YLPM1: variants seen among roughly 807,000 people sequenced by gnomAD.
YLPM1 encodes YLP motif containing 1, also known as YLP motif-containing protein 1.
A neutral mutation model predicts 230.0 loss-of-function variants in YLPM1; 99 were observed. That is an observed-to-expected ratio of 0.43 (90% CI 0.37 to 0.51). The LOEUF is 0.51. Among genes scored for constraint, YLPM1 ranks in the 20% least tolerant of loss-of-function variants. The pLI, the probability that YLPM1 is intolerant of heterozygous loss-of-function variation, is 0.00. For synonymous variants in YLPM1, 984 were observed against 942.5 expected (o/e 1.04, Z -0.81); for missense variants, 2,592 against 2,707.7 (o/e 0.96, Z 0.95).
intron 1 of YLPM1, among the ~76,000 whole-genome samples, chr14:74,770,635 A>AG (rs2090969704): frequency 6.6e-6 from 1 of 152,074 alleles, no homozygotes; most frequent in Non-Finnish European, 1.5e-5. Flanking sequence ...AGTTAAAAAA[A>AG]AAGAAAAAGA....
chr14:74,767,467 G>C (rs1165331088), intron 1 of YLPM1, among the ~76,000 whole-genome samples: 1 of 152,156 alleles, frequency 6.6e-6, no homozygotes, highest in Non-Finnish European at 1.5e-5. Context: ...GGGTTTCTCA[G>C]CTTCGGCACT....
chr14:74,786,844 A>G (rs969690510), intron 4 of YLPM1, among the ~76,000 whole-genome samples: 3 of 152,192 alleles, frequency 2.0e-5, no homozygotes, highest in Admixed American at 6.5e-5. Context: ...ATTATAGAGT[A>G]TATACATGTT....
chr14:74,817,398 T>C, intron 15 of YLPM1, 121 bp downstream of exon 15: 1 of 951,176 alleles, frequency 1.1e-6, no homozygotes, highest in Non-Finnish European at 1.5e-6. Flanking sequence ...TATTGTACCT[T>C]TTCTGTGTTT....
At chr14:74,813,339 C>T (rs2091451484) in intron 11 of YLPM1, among the ~76,000 whole-genome samples, 1 of 152,030 alleles carries the variant, frequency 6.6e-6, no homozygotes, top group Non-Finnish European at 1.5e-5. Context: ...CATGATAAAT[C>T]TTTTACCATT....
At chr14:74,826,499 A>T (rs1204842978) in intron 18 of YLPM1, among the ~76,000 whole-genome samples, 1 of 152,206 alleles carries the variant, frequency 6.6e-6, no homozygotes, top group East Asian at 1.9e-4. Context: ...GTTGAGCAAA[A>T]ACAGTTGAAT....
intron 19 of YLPM1, 171 bp from the exon 20 acceptor site, chr14:74,835,094 C>G (rs2091634012): frequency 2.5e-6 from 2 of 802,506 alleles, no homozygotes; most frequent in Non-Finnish European, 3.8e-6. Context: ...AGAGTTTTCT[C>G]TTTGTGACTT....
In YLPM1 at chr14:74,763,373, C is replaced by G; in HGVS notation, c.-117C>G. The G allele has an allele frequency of 7.9e-7, 1 of 1,258,408 alleles. No individual in the cohort carries two copies. Among genetic ancestry groups the G allele is most frequent in the Non-Finnish European group, 1.0e-6 (1 of 971,658 alleles). The allele number at this position is 1,258,408 out of a possible 1,614,324, so 78.0% of individuals were successfully genotyped here. On this transcript the variant is annotated 5_prime_UTR_variant, in exon 1 of 21. Transcript: ENST00000325680. ...GGCGCACTGGCGCGCTCCGTTTACACGCTCCGGGGCCTGTAGGCGCCGCGA... is the reference window on the plus strand; with the variant it reads ...GGCGCACTGGCGCGCTCCGTTTACAGGCTCCGGGGCCTGTAGGCGCCGCGA...
At chr14:74,778,948 C>T (rs2091068023) in intron 2 of YLPM1, among the ~76,000 whole-genome samples, 1 of 152,136 alleles carries the variant, frequency 6.6e-6, no homozygotes, top group South Asian at 2.1e-4. Flanking sequence ...TCAGGCAATT[C>T]TTCTGCCTCA....
intron 11 of YLPM1, among the ~76,000 whole-genome samples, chr14:74,815,203 A>G (rs899880600): frequency 2.0e-5 from 3 of 152,132 alleles, no homozygotes; most frequent in Non-Finnish European, 1.5e-5. Context: ...CCCAGCTTTC[A>G]TTTCTGATTC....
intron 6 of YLPM1, among the ~76,000 whole-genome samples, chr14:74,806,831 A>G (rs2091383515): frequency 6.6e-6 from 1 of 151,072 alleles, no homozygotes; most frequent in African/African-American, 2.4e-5. Flanking sequence ...TTAACTCATT[A>G]TCCTTAATAT....
chr14:74,836,312 A>G lies in YLPM1; in HGVS notation c.*574A>G, dbSNP rs768621018. 1 of 152,762 alleles carries G rather than the reference A, an allele frequency of 6.5e-6. No homozygotes were observed. Among genetic ancestry groups the G allele is most frequent in the African/African-American group, 2.4e-5 (1 of 41,432 alleles). The allele number at this position is 152,762 out of a possible 1,614,324, so 9.5% of individuals were successfully genotyped here. A position where few individuals can be genotyped will look rare whatever the true frequency, so the allele number is the denominator to read the frequency against. ...TTTTCATTGAATATTATATGGCTCA[A>G]TGATTCCGTAGCACATGTTGTAAAA... On this transcript the variant is annotated 3_prime_UTR_variant, in exon 21 of 21. Transcript: ENST00000325680.
At chr14:74,791,793 T>C (rs2140101292) in intron 4 of YLPM1, among the ~76,000 whole-genome samples, 1 of 152,338 alleles carries the variant, frequency 6.6e-6, no homozygotes, top group African/African-American at 2.4e-5. Flanking sequence ...TACCTGACAA[T>C]CAGTATGTGT....
intron 18 of YLPM1, chr14:74,828,141 TG>T (rs1314895446): frequency 2.6e-6 from 1 of 382,980 alleles, no homozygotes; most frequent in East Asian, 1.6e-4. Flanking sequence ...TCACCCTTTC[TG>T]CCACTGCTTT....
chr14:74,827,990 C>T lies in YLPM1; in HGVS notation c.6164-1223C>T, dbSNP rs1403798076. On this transcript the variant is annotated intron_variant, in intron 18 of 20. Transcript: ENST00000325680. ...GTGAGTTTTATAAACTGTTGCAGTT[C>T]GCCTTACTGATTTTTCAATGATAAT... 2.5e-5 allele frequency: 25 copies of T among 985,244 alleles called. 1 individual carries two copies. Among genetic ancestry groups the T allele is most frequent in the South Asian group, 1.4e-4 (3 of 21,276 alleles). The allele number at this position is 985,244 out of a possible 1,614,324, so 61.0% of individuals were successfully genotyped here. A position where few individuals can be genotyped will look rare whatever the true frequency, so the allele number is the denominator to read the frequency against.
chr14:74,788,285 T>C (rs2091169184), intron 4 of YLPM1, among the ~76,000 whole-genome samples: 1 of 152,094 alleles, frequency 6.6e-6, no homozygotes, highest in African/African-American at 2.4e-5. Flanking sequence ...CACGCCTGGC[T>C]AATTTTTTGC....
At chr14:74,823,779 A>G (rs2091542100) in intron 17 of YLPM1, among the ~76,000 whole-genome samples, 1 of 152,072 alleles carries the variant, frequency 6.6e-6, no homozygotes, top group African/African-American at 2.4e-5. Flanking sequence ...TCTTTTGAGT[A>G]CTTAAGATTA....
At chr14:74,815,309 C>G (rs2091468519) in intron 11 of YLPM1, among the ~76,000 whole-genome samples, 1 of 152,072 alleles carries the variant, frequency 6.6e-6, no homozygotes, top group African/African-American at 2.4e-5. Context: ...TGCCTGTCAT[C>G]CCAGCACTTT....
rs75331740 is a variant in YLPM1, at chr14:74,795,468, C to A, written c.2283-2112C>A. Reference sequence around the variant, plus strand: ...TCATTAAAAGTCATGAAAGGCATCACTGTCTACTACTCAGTCACCTAAGCC... The same window carrying A: ...TCATTAAAAGTCATGAAAGGCATCAATGTCTACTACTCAGTCACCTAAGCC... On this transcript the variant is annotated intron_variant, in intron 4 of 20. Transcript: ENST00000325680. Among the ~76,000 whole-genome samples, 957 of 152,344 alleles carry A rather than the reference C, an allele frequency of 6.3e-3. 9 individuals are homozygous for A. The highest frequency in any genetic ancestry group is 0.029 in the South Asian group (138 of 4,828).
In YLPM1 at chr14:74,763,695, A is replaced by G; in HGVS notation, c.206A>G (p.Gln69Arg). ...AQLQQLQQMH[Q>R]KQMQCVLQPH... ...CTCCAGCAGCTGCAGCAGATGCACC[A>G]GAAGCAAATGCAGTGCGTGCTTCAG... The change falls in exon 1 of 21, where the codon CAG (glutamine) becomes CGG (arginine). Residue 69 changes from glutamine (Q) to arginine (R), a missense_variant. Physicochemically the swap from Gln to Arg is conservative, Grantham distance 43. This residue lies in a region of YLPM1 where 1,862 missense variants were observed against 1,819.8 expected (regional missense o/e 1.02). Transcript: ENST00000325680. 3 of 1,566,674 alleles carry G rather than the reference A, an allele frequency of 1.9e-6. No individual in the cohort carries two copies. Among genetic ancestry groups the G allele is most frequent in the Non-Finnish European group, 2.6e-6 (3 of 1,152,226 alleles).
Sources: gnomAD v4.1 joint callset for allele counts (sites outside exome capture counted in the v4.1 genomes callset) on GRCh38, gnomAD v4.1.1 for gene constraint, gnomAD v4.1.1 regional missense constraint, MANE v1.5 for transcripts, NCBI Gene and HGNC (gene_info 2026-07-23, HGNC 2026-07-21) for gene names.